ARID1B: variants seen among roughly 807,000 people sequenced by gnomAD.
The protein encoded by ARID1B is AT-rich interaction domain 1B, also known as AT-rich interactive domain-containing protein 1B.
ARID1B carries 30 observed loss-of-function variants against 212.3 expected under a neutral mutation model. The ratio of observed to expected loss-of-function variants is 0.14; its 90% CI spans 0.11 to 0.19. The LOEUF (loss-of-function observed/expected upper bound fraction) is 0.19, where lower values mean the gene tolerates loss of function less well. Among genes scored for constraint, ARID1B ranks in the 10% least tolerant of loss-of-function variants. ARID1B has a pLI of 1.00. For synonymous variants in ARID1B, 1,402 were observed against 1,301.7 expected (o/e 1.08, Z -1.66); for missense variants, 2,891 against 3,204.0 (o/e 0.90, Z 2.36).
intron 2 of ARID1B, among the ~76,000 whole-genome samples, chr6:156,836,321 C>T (rs1214409392): frequency 6.6e-6 from 1 of 152,082 alleles, no homozygotes; most frequent in African/African-American, 2.4e-5. Flanking sequence ...CTGTGAAGGC[C>T]CTAATCTCCC....
chr6:156,797,871 T>C (rs1362399943), intron 1 of ARID1B, among the ~76,000 whole-genome samples: 1 of 151,778 alleles, frequency 6.6e-6, no homozygotes, highest in African/African-American at 2.4e-5. Flanking sequence ...GCACCAACCT[T>C]TAGGGATGAA....
intron 1 of ARID1B, among the ~76,000 whole-genome samples, chr6:156,826,471 T>C (rs1227159521): frequency 6.6e-6 from 1 of 152,216 alleles, no homozygotes; most frequent in Non-Finnish European, 1.5e-5. Context: ...CTTCCAGTGT[T>C]GGGCACAACG....
At chr6:156,973,203 A>C (rs536072189) in intron 4 of ARID1B, among the ~76,000 whole-genome samples, 92 of 152,384 alleles carry the variant, frequency 6.0e-4, no homozygotes, top group African/African-American at 2.2e-3. Flanking sequence ...TATTTTAACA[A>C]ATTTTAGAAA....
At chr6:156,882,487 A>G (rs1787177453) in intron 2 of ARID1B, among the ~76,000 whole-genome samples, 1 of 152,210 alleles carries the variant, frequency 6.6e-6, no homozygotes, top group African/African-American at 2.4e-5. Flanking sequence ...AATGGAAAAT[A>G]TAGAGGTGTT....
chr6:156,834,824 G>T (rs1398144479), intron 2 of ARID1B, among the ~76,000 whole-genome samples: 4 of 152,148 alleles, frequency 2.6e-5, no homozygotes, highest in Non-Finnish European at 4.4e-5. Flanking sequence ...TGAACATGAA[G>T]GTATTTAAGG....
chr6:156,971,170 T>C (rs1215696787), intron 4 of ARID1B, among the ~76,000 whole-genome samples: 1 of 152,222 alleles, frequency 6.6e-6, no homozygotes, highest in Non-Finnish European at 1.5e-5. Flanking sequence ...AAGACATGAA[T>C]TCATACATTC....
chr6:157,207,422 A>G lies in ARID1B; in HGVS notation c.6650A>G (p.Asn2217Ser). The G allele has an allele frequency of 1.2e-6, 2 of 1,614,204 alleles. No individual in the cohort carries two copies. Among genetic ancestry groups the G allele is most frequent in the African/African-American group, 2.7e-5 (2 of 75,046 alleles). Residue 2217 changes from asparagine to serine, a missense_variant, in exon 20 of 20, where the codon AAT (asparagine) becomes AGT (serine). By Grantham distance (46) the Asn-to-Ser change is conservative. This residue lies in a region of ARID1B where 187 missense variants were observed against 306.5 expected (regional missense o/e 0.61). Transcript: ENST00000636930. This position sits in a 1 kb window ranked among gnomAD's most constrained non-coding sequence, Gnocchi z 8.5. ...CTCTGTAAACTCAGTATCCAGGACAATAATGTGGACCTGATCTTGGCCACT... is the reference window on the plus strand; with the variant it reads ...CTCTGTAAACTCAGTATCCAGGACAGTAATGTGGACCTGATCTTGGCCACT... ...ETLCKLSIQD[N>S]NVDLILATPP...
intron 2 of ARID1B, among the ~76,000 whole-genome samples, chr6:156,865,620 A>G (rs1229331364): frequency 6.6e-6 from 1 of 151,642 alleles, no homozygotes; most frequent in Non-Finnish European, 1.5e-5. Context: ...GTTCTCCTTC[A>G]TTTTTACTCT....
intron 4 of ARID1B, among the ~76,000 whole-genome samples, chr6:156,980,530 C>T (rs531585865): frequency 2.8e-4 from 42 of 152,202 alleles, no homozygotes; most frequent in Non-Finnish European, 5.3e-4. Context: ...GAGCTCCTTT[C>T]TGTGTGCCAG....
At chr6:157,037,466 T>A (rs1459077560) in intron 4 of ARID1B, among the ~76,000 whole-genome samples, 1 of 152,094 alleles carries the variant, frequency 6.6e-6, no homozygotes, top group Non-Finnish European at 1.5e-5. Context: ...AGGAGGTGGA[T>A]CCCTGGGCTG....
At chr6:156,975,254 A>G (rs1470516657) in intron 4 of ARID1B, among the ~76,000 whole-genome samples, 1 of 152,190 alleles carries the variant, frequency 6.6e-6, no homozygotes, top group Non-Finnish European at 1.5e-5. Flanking sequence ...AATGATGTGC[A>G]TCTTTTAATG....
chr6:156,884,021 C>T (rs1055331194), intron 2 of ARID1B, among the ~76,000 whole-genome samples: 1 of 152,140 alleles, frequency 6.6e-6, no homozygotes, highest in African/African-American at 2.4e-5. Flanking sequence ...AAAAAAATAT[C>T]GTGCCCTAAT....
At chr6:156,811,104 A>G (rs1240177613) in intron 1 of ARID1B, among the ~76,000 whole-genome samples, 2 of 152,178 alleles carry the variant, frequency 1.3e-5, no homozygotes, top group Non-Finnish European at 2.9e-5. Context: ...TGCTTCTTCA[A>G]TGCCACCAGC....
At position 156,778,255 on chromosome 6, in the gene ARID1B, A is replaced by AGCT; in HGVS notation, c.576_578dup (p.Leu193dup). 1 of 1,542,858 alleles carries AGCT rather than the reference A, an allele frequency of 6.5e-7. No homozygotes were observed. The highest frequency in any genetic ancestry group is 8.7e-7 in the Non-Finnish European group (1 of 1,146,638). On this transcript the variant is annotated inframe_insertion, in exon 1 of 20. Transcript: ENST00000636930. ...CACCACCACCACGCACTACAGCAGCAGCTAAACCAGTTCCAGCAGCAGCAG... is the reference window on the plus strand; with the variant it reads ...CACCACCACCACGCACTACAGCAGCAGCTGCTAAACCAGTTCCAGCAGCAGCAG...
At chr6:157,204,958 A>G (rs146462531) in intron 19 of ARID1B, 1 of 152,356 alleles carries the variant, frequency 6.6e-6, no homozygotes, top group East Asian at 1.9e-4. Context: ...TTCAATTGCT[A>G]GAAAGTTTAT....
intron 3 of ARID1B, among the ~76,000 whole-genome samples, chr6:156,924,341 T>G (rs1791052672): frequency 6.6e-6 from 1 of 152,254 alleles, no homozygotes; most frequent in African/African-American, 2.4e-5. Flanking sequence ...TGCTATTTTT[T>G]TCTTTGCTTA....
At chr6:156,894,800 G>A (rs960281825) in intron 2 of ARID1B, among the ~76,000 whole-genome samples, 1 of 152,238 alleles carries the variant, frequency 6.6e-6, no homozygotes, top group Non-Finnish European at 1.5e-5. Context: ...ATCTGTTCCA[G>A]TGTTTTTCTA....
intron 7 of ARID1B, among the ~76,000 whole-genome samples, chr6:157,133,796 C>T (rs1788717444): frequency 1.3e-5 from 2 of 152,184 alleles, no homozygotes; most frequent in African/African-American, 4.8e-5. Context: ...GAGCAGAGAA[C>T]TAGTGGAATC....
At chr6:156,961,711 G>A (rs1794389787) in intron 4 of ARID1B, among the ~76,000 whole-genome samples, 8 of 152,220 alleles carry the variant, frequency 5.3e-5, no homozygotes, top group Admixed American at 5.2e-4. Context: ...ACAGAGGTGG[G>A]ATGTGCTGGT....
Sources: gnomAD v4.1 joint callset for allele counts (sites outside exome capture counted in the v4.1 genomes callset) on GRCh38, gnomAD v4.1.1 for gene constraint, gnomAD v4.1.1 regional missense constraint, Gnocchi (gnomAD v3.1) non-coding constraint, MANE v1.5 for transcripts, NCBI Gene and HGNC (gene_info 2026-07-23, HGNC 2026-07-21) for gene names.